The following SKAP1 variants were observed in gnomAD, a reference collection of about 807,000 sequenced individuals.
SKAP1 encodes src kinase associated phosphoprotein 1.
A neutral mutation model predicts 58.5 loss-of-function variants in SKAP1; 44 were observed. The ratio of observed to expected loss-of-function variants is 0.75; its 90% CI spans 0.59 to 0.97. SKAP1 has a LOEUF of 0.97. SKAP1 is among the 50% of genes least tolerant of loss of function. SKAP1 has a pLI of 0.00. For missense variants in SKAP1, 390 were observed against 435.2 expected, an observed-to-expected ratio of 0.90 and a Z score of 0.92; for synonymous variants, 127 against 149.7, an observed-to-expected ratio of 0.85 and a Z score of 1.11.
At chr17:48,320,690 G>T (rs952035516) in intron 4 of SKAP1, among the ~76,000 whole-genome samples, 9 of 152,116 alleles carry the variant, frequency 5.9e-5, no homozygotes, top group African/African-American at 2.2e-4. Flanking sequence ...GAGGCAGAAG[G>T]ATTGCTTGAG....
chr17:48,416,035 G>A (rs1473648837), intron 1 of SKAP1, among the ~76,000 whole-genome samples: 1 of 152,158 alleles, frequency 6.6e-6, no homozygotes, highest in African/African-American at 2.4e-5. Flanking sequence ...TTAAAAAATA[G>A]GTTGGCCTGC....
At chr17:48,204,697 C>G (rs1567819551) in intron 4 of SKAP1, among the ~76,000 whole-genome samples, 1 of 152,100 alleles carries the variant, frequency 6.6e-6, no homozygotes, top group Non-Finnish European at 1.5e-5. Flanking sequence ...AGACAGGTAC[C>G]TGGGCTGTAT....
intron 4 of SKAP1, among the ~76,000 whole-genome samples, chr17:48,253,951 A>C (rs1356254439): frequency 1.3e-5 from 2 of 152,180 alleles, no homozygotes; most frequent in Non-Finnish European, 2.9e-5. Context: ...AGATTCTGCC[A>C]GTTCCTTCAG....
chr17:48,304,608 C>G (rs751673283), intron 4 of SKAP1, among the ~76,000 whole-genome samples: 14 of 152,118 alleles, frequency 9.2e-5, no homozygotes, highest in Admixed American at 2.0e-4. Context: ...CATAAAGTGG[C>G]TTTTTAAAGG....
At chr17:48,193,456 G>A (rs1467394059) in intron 4 of SKAP1, among the ~76,000 whole-genome samples, 12 of 152,012 alleles carry the variant, frequency 7.9e-5, no homozygotes, top group Non-Finnish European at 1.8e-4. Context: ...GAATGTCTAC[G>A]GAAAAAAAAT....
At chr17:48,153,371 G>T (rs947644598) in intron 11 of SKAP1, among the ~76,000 whole-genome samples, 3 of 152,140 alleles carry the variant, frequency 2.0e-5, no homozygotes, top group African/African-American at 7.2e-5. Context: ...TGTTCTAGAC[G>T]ATTGGTTCCT....
intron 7 of SKAP1, among the ~76,000 whole-genome samples, chr17:48,184,247 A>T (rs1446407172): frequency 6.6e-6 from 1 of 151,868 alleles, no homozygotes; most frequent in Non-Finnish European, 1.5e-5. Flanking sequence ...CCTTCCAGAG[A>T]TATGCAAAGC....
At chr17:48,243,014 T>C (rs926872226) in intron 4 of SKAP1, among the ~76,000 whole-genome samples, 1 of 152,256 alleles carries the variant, frequency 6.6e-6, no homozygotes, top group African/African-American at 2.4e-5. Context: ...ATTTCTGTGA[T>C]AGCTCTAACT....
intron 2 of SKAP1, among the ~76,000 whole-genome samples, chr17:48,388,480 T>C (rs2067305974): frequency 6.6e-6 from 1 of 152,176 alleles, no homozygotes; most frequent in Non-Finnish European, 1.5e-5. Flanking sequence ...CTTTATATTA[T>C]GAAAATTTTC....
chr17:48,429,347 T>A (rs2067887753), intron 1 of SKAP1, among the ~76,000 whole-genome samples: 1 of 152,194 alleles, frequency 6.6e-6, no homozygotes. Context: ...GTGTTGGCAG[T>A]GTGTGTTGAG....
intron 11 of SKAP1, among the ~76,000 whole-genome samples, chr17:48,141,967 C>T (rs926667002): frequency 1.3e-5 from 2 of 152,182 alleles, no homozygotes; most frequent in African/African-American, 4.8e-5. Flanking sequence ...TGTGTGGGGT[C>T]CCGGTTACAC....
At chr17:48,427,872 G>T (rs2067871074) in intron 1 of SKAP1, among the ~76,000 whole-genome samples, 1 of 151,874 alleles carries the variant, frequency 6.6e-6, no homozygotes, top group African/African-American at 2.4e-5. Context: ...TAGAGATCAG[G>T]ACCTCCATTT....
chr17:48,421,177 C>G (rs1018689710), intron 1 of SKAP1, among the ~76,000 whole-genome samples: 2 of 151,726 alleles, frequency 1.3e-5, no homozygotes, highest in Non-Finnish European at 2.9e-5. Flanking sequence ...GAATGAAGTT[C>G]AAATATCTCT....
chr17:48,238,518 A>C (rs914717644), intron 4 of SKAP1, among the ~76,000 whole-genome samples: 3 of 150,442 alleles, frequency 2.0e-5, no homozygotes, highest in African/African-American at 7.3e-5. Context: ...TTTCATCTCA[A>C]CCTCCTGAGT....
chr17:48,191,271 T>A (rs779145548), intron 4 of SKAP1, among the ~76,000 whole-genome samples: 13 of 152,212 alleles, frequency 8.5e-5, no homozygotes, highest in Non-Finnish European at 1.5e-4. Flanking sequence ...AAAAAGCCTC[T>A]TTTAAGGACA....
intron 4 of SKAP1, among the ~76,000 whole-genome samples, chr17:48,298,017 G>C (rs898058211): frequency 3.3e-5 from 5 of 152,108 alleles, no homozygotes; most frequent in African/African-American, 1.2e-4. Flanking sequence ...CTCCAACCTT[G>C]AGCAGCCACT....
intron 4 of SKAP1, among the ~76,000 whole-genome samples, chr17:48,247,068 CAATA>C (rs779654183): frequency 1.5e-4 from 23 of 152,218 alleles, no homozygotes; most frequent in South Asian, 4.1e-4. Flanking sequence ...TTCTAGTGCA[CAATA>C]AATAAATACC....
At chr17:48,332,445 A>G (rs1165535833) in intron 4 of SKAP1, among the ~76,000 whole-genome samples, 1 of 152,198 alleles carries the variant, frequency 6.6e-6, no homozygotes, top group East Asian at 1.9e-4. Flanking sequence ...ATAACATAAA[A>G]TATCTGCTTT....
At chr17:48,434,499 G>C (rs973837773), upstream of SKAP1, among the ~76,000 whole-genome samples, 27 of 152,002 alleles carry the variant, frequency 1.8e-4, no homozygotes, top group Admixed American at 1.4e-3. Flanking sequence ...CACTTCCAAT[G>C]GTCTCCCCTT....
Sources: gnomAD v4.1 joint callset for allele counts (sites outside exome capture counted in the v4.1 genomes callset) on GRCh38, gnomAD v4.1.1 for gene constraint, MANE v1.5 for transcripts, NCBI Gene and HGNC (gene_info 2026-07-23, HGNC 2026-07-21) for gene names.